The following ZNF212 variants were observed in gnomAD, a reference collection of about 807,000 sequenced individuals.
ZNF212 encodes Zinc finger protein C2H2-150.
Under a neutral mutation model 47.3 loss-of-function variants are expected in ZNF212, and 32 were observed. That is an observed-to-expected ratio of 0.68 (90% CI 0.51 to 0.91). The LOEUF (loss-of-function observed/expected upper bound fraction) is 0.91. Ranked by LOEUF, ZNF212 falls within the 40% of genes least tolerant of loss-of-function variation. The probability of loss-of-function intolerance (pLI) is 0.00; values close to 1 mark genes in which losing one functional copy is unlikely to be tolerated. For missense variants in ZNF212, 555 were observed against 622.8 expected (o/e 0.89, Z 1.16); for synonymous variants, 242 against 253.8 (o/e 0.95, Z 0.44).
chr7:149,239,854 C>T (rs778325457), intron 1 of ZNF212, 52 bp downstream of exon 1: 81 of 1,264,664 alleles, frequency 6.4e-5, no homozygotes, highest in Admixed American at 1.2e-4. Flanking sequence ...ATGGCGGAGT[C>T]CCCTGCCGGG....
intron 1 of ZNF212, among the ~76,000 whole-genome samples, chr7:149,248,103 C>T (rs1003698214): frequency 8.5e-5 from 13 of 152,162 alleles, no homozygotes; most frequent in Non-Finnish European, 5.9e-5. Flanking sequence ...CCTGTGGGAG[C>T]GCATTAATTT....
chr7:149,250,270 G>C lies in ZNF212; in HGVS notation c.136G>C (p.Ala46Pro), dbSNP rs1326541307. The change falls in exon 2 of 5, where the codon GCC becomes CCC. Residue 46 changes from alanine (A) to proline (P), a missense_variant. Coordinates refer to ENST00000335870, the MANE Select transcript of ZNF212 (RefSeq NM_012256.4). ...TTEISLWTVV[A>P]AIQAVEKKME... is the part of the protein sequence containing the mutation. ...CGAGATTTCACTCTGGACGGTGGTG[G>C]CCGCTATTCAGGCTGTGGAGAAGAA... 1 of 1,613,470 alleles carries C rather than the reference G, an allele frequency of 6.2e-7. No individual in the cohort carries two copies. Among genetic ancestry groups the C allele is most frequent in the East Asian group, 2.2e-5 (1 of 44,852 alleles).
In ZNF212 at chr7:149,250,841, C is replaced by T. The variant is rs141579693; in HGVS notation, c.541+34C>T. 660 of 1,612,480 alleles carry T rather than the reference C, an allele frequency of 4.1e-4. 6 individuals carry two copies. In the East Asian group the frequency reaches 0.012, roughly 28 times the overall value. ...CAGTTTTCTCCCTAGAATTCTGTCT[C>T]AGACATACTACAATTCCTGGCTGGC... On this transcript the variant is annotated intron_variant, in intron 3 of 4. Transcript: ENST00000335870.
Position 149,254,602 on chromosome 7 carries a change from C to T in ZNF212, c.*187C>T. 1.2e-6 allele frequency: 1 copy of T among 838,732 alleles called. No homozygotes were observed. The highest frequency in any genetic ancestry group is 1.7e-6 in the Non-Finnish European group (1 of 579,764). 52.0% of individuals were successfully genotyped at this position (838,732 alleles called of 1,614,324 possible). ...TGTGGAAGAAGAGTCCAGGCCAGGT[C>T]TTCATCCTGCTGCCAAGTTTGCTGT... On this transcript the variant is annotated 3_prime_UTR_variant, in exon 5 of 5. Transcript: ENST00000335870. This position sits in a 1 kb window ranked among gnomAD's most constrained non-coding sequence, Gnocchi z 4.5.
chr7:149,254,200 A>G lies in ZNF212; in HGVS notation c.1273A>G (p.Ser425Gly), dbSNP rs945781672. The G allele has an allele frequency of 1.9e-6, 3 of 1,614,130 alleles. No individual in the cohort carries two copies. Among genetic ancestry groups the G allele is most frequent in the African/African-American group, 1.3e-5 (1 of 74,950 alleles). ...PGHIPWRKSR[S>G]SLICGYCGKS... is the part of the protein sequence containing the mutation. ...CCACATCCCTTGGAGGAAAAGCCGGAGTTCCCTCATCTGTGGTTACTGTGG... is the reference window on the plus strand; with the variant it reads ...CCACATCCCTTGGAGGAAAAGCCGGGGTTCCCTCATCTGTGGTTACTGTGG... The change falls in exon 5 of 5, where the codon AGT becomes GGT. Residue 425 changes from serine (S) to glycine (G), a missense_variant. By Grantham distance (56) the Ser-to-Gly change is moderately conservative. Coordinates refer to ENST00000335870, the MANE Select transcript of ZNF212 (RefSeq NM_012256.4). The surrounding 1 kb of genome is among the most constrained non-coding windows in gnomAD (Gnocchi z 4.5).
At position 149,254,467 on chromosome 7, in the gene ZNF212, C is replaced by T. The variant is rs1796809118; in HGVS notation, c.*52C>T. The T allele has an allele frequency of 1.3e-6, 2 of 1,532,464 alleles. No homozygotes were observed. The highest frequency in any genetic ancestry group is 1.7e-6 in the Non-Finnish European group (2 of 1,150,812). The allele number at this position is 1,532,464 out of a possible 1,614,324, so 94.9% of individuals were successfully genotyped here. A position where few individuals can be genotyped will look rare whatever the true frequency, so the allele number is the denominator to read the frequency against. On this transcript the variant is annotated 3_prime_UTR_variant, in exon 5 of 5. Coordinates refer to ENST00000335870, the MANE Select transcript of ZNF212 (RefSeq NM_012256.4). This position sits in a 1 kb window ranked among gnomAD's most constrained non-coding sequence, Gnocchi z 4.5. ...GATGGAGGGGGGTGGCATTGGTTCC[C>T]CCGAAGAGACACTGCAGTCAGGGAC...
chr7:149,253,929 T>G lies in ZNF212; in HGVS notation c.1002T>G (p.His334Gln), dbSNP rs1221549376. 23 of 1,613,828 alleles carry G rather than the reference T, an allele frequency of 1.4e-5. No homozygotes were observed. The highest frequency in any genetic ancestry group is 2.7e-5 in the African/African-American group (2 of 74,918). ...TFRYKQQLAT[H>Q]LRSHSGWGSC... is the part of the protein sequence containing the mutation. ...GCTATAAGCAGCAGCTGGCCACACA[T>G]CTGCGCAGCCACTCTGGGTGGGGGT... The change falls in exon 5 of 5, where the codon CAT becomes CAG. Residue 334 changes from histidine (H) to glutamine (Q), a missense_variant. Coordinates refer to ENST00000335870, the MANE Select transcript of ZNF212 (RefSeq NM_012256.4).
At chr7:149,245,247 A>G (rs967266500) in intron 1 of ZNF212, among the ~76,000 whole-genome samples, 14 of 150,986 alleles carry the variant, frequency 9.3e-5, no homozygotes, top group African/African-American at 3.4e-4. Context: ...GCTACTTGGG[A>G]GGCTGAGGCA....
At chr7:149,243,310 G>T (rs547572592) in intron 1 of ZNF212, among the ~76,000 whole-genome samples, 2 of 151,860 alleles carry the variant, frequency 1.3e-5, no homozygotes, top group Non-Finnish European at 2.9e-5. Flanking sequence ...GGAGACTGGC[G>T]TGAACCCAGG....
chr7:149,247,750 C>T (rs959840089), intron 1 of ZNF212, among the ~76,000 whole-genome samples: 13 of 152,090 alleles, frequency 8.5e-5, no homozygotes, highest in African/African-American at 3.1e-4. Context: ...TTCTGGTGGT[C>T]CCATGTGTTT....
At chr7:149,247,964 T>C (rs1490142688) in intron 1 of ZNF212, among the ~76,000 whole-genome samples, 1 of 151,962 alleles carries the variant, frequency 6.6e-6, no homozygotes, top group Non-Finnish European at 1.5e-5. Context: ...TGGCAGAAAA[T>C]GGAAGGGCAG....
chr7:149,246,813 CT>C (rs71194633), intron 1 of ZNF212, among the ~76,000 whole-genome samples: 11,647 of 103,356 alleles, frequency 0.11, 298 homozygotes, highest in Non-Finnish European at 0.15. Flanking sequence ...TGTCTGAATT[CT>C]TTTTTTTTTT....
chr7:149,254,609 CTGCTGCCAAGTT>C lies in ZNF212; in HGVS notation c.*200_*211del. 1 of 805,014 alleles carries C rather than the reference CTGCTGCCAAGTT, an allele frequency of 1.2e-6. No individual in the cohort carries two copies. The highest frequency in any genetic ancestry group is 3.4e-5 in the Admixed American group (1 of 29,292). 49.9% of individuals were successfully genotyped at this position (805,014 alleles called of 1,614,324 possible). On this transcript the variant is annotated 3_prime_UTR_variant, in exon 5 of 5. Coordinates refer to ENST00000335870, the MANE Select transcript of ZNF212 (RefSeq NM_012256.4). This position sits in a 1 kb window ranked among gnomAD's most constrained non-coding sequence, Gnocchi z 4.5. ...GAAGAGTCCAGGCCAGGTCTTCATC[CTGCTGCCAAGTT>C]TGCTGTTTCTTGGCACCTTCAGGTC...
In ZNF212 at chr7:149,250,808, G is replaced by T; in HGVS notation, c.541+1G>T. ...AACTATGAGACACTGGTCTCTCTGA[G>T]TGAGTAGCAGTTTTCTCCCTAGAAT... On this transcript the variant is annotated splice_donor_variant, in intron 3 of 4. Coordinates refer to ENST00000335870, the MANE Select transcript of ZNF212 (RefSeq NM_012256.4). LOFTEE classifies it high-confidence loss of function. 6.2e-7 allele frequency: 1 copy of T among 1,614,198 alleles called. No individual in the cohort carries two copies. Among genetic ancestry groups the T allele is most frequent in the Non-Finnish European group, 8.5e-7 (1 of 1,180,030 alleles).
At position 149,252,686 on chromosome 7, in the gene ZNF212, C is replaced by T. The variant is rs1213178012; in HGVS notation, c.542-20C>T. The T allele has an allele frequency of 8.7e-6, 14 of 1,612,850 alleles. No individual in the cohort carries two copies. Among genetic ancestry groups the T allele is most frequent in the South Asian group, 2.2e-5 (2 of 90,926 alleles). ...GCTTTCACTCTCTCCTGGGCTCACA[C>T]TGTGCTGTTTCCCACCCAGAGGTCC... On this transcript the variant is annotated intron_variant, in intron 3 of 4. Coordinates refer to ENST00000335870, the MANE Select transcript of ZNF212 (RefSeq NM_012256.4).
In ZNF212 at chr7:149,250,518, GC is replaced by G. The variant is rs758973634; in HGVS notation, c.389del (p.Pro130ArgfsTer40). ...RNRNFWILRL[P>X]PGSKGEAPKV... ...ACAGGAACTTCTGGATCCTGCGGCT[GC>G]CCCCGGGCAGCAAGGGGGAGGCCCC... On this transcript the variant is annotated frameshift_variant, in exon 2 of 5. Transcript: ENST00000335870. LOFTEE classifies it high-confidence loss of function. 7 of 1,613,390 alleles carry G rather than the reference GC, an allele frequency of 4.3e-6. No homozygotes were observed. Among genetic ancestry groups the G allele is most frequent in the Non-Finnish European group, 5.9e-6 (7 of 1,179,616 alleles).
chr7:149,241,080 C>CCAGGT, intron 1 of ZNF212, among the ~76,000 whole-genome samples: 1 of 152,296 alleles, frequency 6.6e-6, no homozygotes, highest in East Asian at 1.9e-4. Context: ...GTTCTTCCTG[C>CCAGGT]CAGGTCACTC....
rs1796792019 is a variant in ZNF212, at chr7:149,253,662, C to T, written c.735C>T (p.Ser245=). 1.2e-6 allele frequency: 2 copies of T among 1,614,196 alleles called. No homozygotes were observed. Among genetic ancestry groups the T allele is most frequent in the Non-Finnish European group, 1.7e-6 (2 of 1,180,034 alleles). ...SCIAEEQAFL[S]PEQTELWGGQ... ...TTGCTGAAGAGCAGGCTTTCCTGAGCCCAGAGCAGACCGAACTCTGGGGTG... is the reference window on the plus strand; with the variant it reads ...TTGCTGAAGAGCAGGCTTTCCTGAGTCCAGAGCAGACCGAACTCTGGGGTG... The change falls in exon 5 of 5, where the codon AGC becomes AGT. Residue 245 remains serine (S), a synonymous_variant. Coordinates refer to ENST00000335870, the MANE Select transcript of ZNF212 (RefSeq NM_012256.4).
chr7:149,248,844 C>G (rs1285717627), intron 1 of ZNF212, among the ~76,000 whole-genome samples: 1 of 152,168 alleles, frequency 6.6e-6, no homozygotes, highest in Admixed American at 6.5e-5. Context: ...AATTAACTGA[C>G]TTGAGTAACT....
Sources: allele counts gnomAD v4.1 joint callset (sites outside exome capture counted in the v4.1 genomes callset), GRCh38; gene constraint gnomAD v4.1.1; non-coding constraint Gnocchi (gnomAD v3.1); transcripts MANE v1.5; gene names NCBI Gene and HGNC (gene_info 2026-07-23, HGNC 2026-07-21).